SRRM4: variants seen among roughly 807,000 people sequenced by gnomAD.
SRRM4 encodes serine/arginine repetitive matrix protein 4.
A neutral mutation model predicts 68.9 loss-of-function variants in SRRM4; 33 were observed. The ratio of observed to expected loss-of-function variants is 0.48; its 90% CI spans 0.36 to 0.64. SRRM4 has a LOEUF of 0.64. SRRM4 is among the 30% of genes least tolerant of loss of function. The pLI, the probability that SRRM4 is intolerant of heterozygous loss-of-function variation, is 0.00. For synonymous variants in SRRM4, 318 were observed against 318.8 expected (o/e 1.00, Z 0.03); for missense variants, 817 against 827.1 (o/e 0.99, Z 0.15).
At chr12:119,101,303 C>A (rs1044159477) in intron 1 of SRRM4, among the ~76,000 whole-genome samples, 8 of 152,236 alleles carry the variant, frequency 5.3e-5, no homozygotes, top group African/African-American at 1.9e-4. Context: ...TCTTCAAAAG[C>A]TGAGTAACCA....
intron 5 of SRRM4, among the ~76,000 whole-genome samples, chr12:119,120,649 G>C (rs1445751485): frequency 6.6e-6 from 1 of 152,190 alleles, no homozygotes; most frequent in Non-Finnish European, 1.5e-5. Context: ...TCGTATACTG[G>C]ACACACTGGG....
chr12:119,141,773 T>G (rs1434734127), intron 8 of SRRM4, among the ~76,000 whole-genome samples: 2 of 152,166 alleles, frequency 1.3e-5, no homozygotes, highest in Non-Finnish European at 2.9e-5. Context: ...CCAAACCCAG[T>G]CAGAGAGACG....
At chr12:119,076,849 C>T (rs1031370776) in intron 1 of SRRM4, among the ~76,000 whole-genome samples, 1 of 152,184 alleles carries the variant, frequency 6.6e-6, no homozygotes. Flanking sequence ...AGCATCAATA[C>T]TAATAACTTG....
intron 1 of SRRM4, among the ~76,000 whole-genome samples, chr12:119,068,821 C>A (rs913050828): frequency 5.3e-4 from 81 of 151,880 alleles, no homozygotes; most frequent in African/African-American, 1.9e-3. Context: ...AACAGAGAGG[C>A]GGGGGATGGC....
chr12:119,043,566 A>C (rs919538500), intron 1 of SRRM4, among the ~76,000 whole-genome samples: 1 of 148,426 alleles, frequency 6.7e-6, no homozygotes, highest in Admixed American at 6.8e-5. Context: ...AAATTGAAAA[A>C]TAAATAAATA....
chr12:119,012,195 G>C (rs996388355), intron 1 of SRRM4, among the ~76,000 whole-genome samples: 2 of 152,174 alleles, frequency 1.3e-5, no homozygotes, highest in African/African-American at 4.8e-5. Flanking sequence ...TGAAATGAAA[G>C]GGCACCATTC....
At chr12:118,991,256 A>G (rs1015376498) in intron 1 of SRRM4, among the ~76,000 whole-genome samples, 11 of 151,878 alleles carry the variant, frequency 7.2e-5, no homozygotes, top group Non-Finnish European at 1.5e-4. Context: ...AGTTACTCAC[A>G]TTTTCCAGGC....
In SRRM4 at chr12:119,154,121, C is replaced by T; in HGVS notation, c.1392-122C>T. 3.4e-6 allele frequency: 3 copies of T among 893,726 alleles called. No homozygotes were observed. The highest frequency in any genetic ancestry group is 5.1e-6 in the Non-Finnish European group (3 of 584,620). The allele number at this position is 893,726 out of a possible 1,614,324, so 55.4% of individuals were successfully genotyped here. ...CTCCCTCCGGTCTCCCTTGCGGCAA[C>T]GTGCAGACCCCATCCCGTGACCCAG... On this transcript the variant is annotated intron_variant, in intron 11 of 12. Transcript: ENST00000267260. This position sits in a 1 kb window ranked among gnomAD's most constrained non-coding sequence, Gnocchi z 4.7.
At position 118,982,683 on chromosome 12, in the gene SRRM4, T is replaced by TTG. The variant is rs1399064526; in HGVS notation, c.131+671_131+672insGT. Among the ~76,000 whole-genome samples the TTG allele has an allele frequency of 2.4e-3, 330 of 135,250 alleles. 2 individuals carry two copies. Among genetic ancestry groups the TTG allele is most frequent in the African/African-American group, 8.2e-3 (289 of 35,410 alleles). The allele number at this position is 135,250 out of a possible 152,430, so 88.7% of individuals were successfully genotyped here. On this transcript the variant is annotated intron_variant, in intron 1 of 12. Coordinates refer to ENST00000267260, the MANE Select transcript of SRRM4 (RefSeq NM_194286.4). ...AGTTTTATTTTGTTTTTTTTTGTTT[T>TTG]TTTTTTTTTTTTCCAAAAAGAATCT...
intron 8 of SRRM4, chr12:119,132,918 T>C (rs1021942780): frequency 2.0e-5 from 3 of 152,220 alleles, no homozygotes; most frequent in African/African-American, 7.2e-5. Context: ...AGTAATTACT[T>C]AAATGTTTCT....
At chr12:119,101,528 CT>C in intron 1 of SRRM4, among the ~76,000 whole-genome samples, 1 of 151,884 alleles carries the variant, frequency 6.6e-6, no homozygotes. Flanking sequence ...AGAAAACTGA[CT>C]TTTGAGGCCT....
At chr12:119,060,534 T>G (rs1953804618) in intron 1 of SRRM4, among the ~76,000 whole-genome samples, 1 of 151,728 alleles carries the variant, frequency 6.6e-6, no homozygotes, top group African/African-American at 2.4e-5. Context: ...TTTCAGTATC[T>G]TAAGTGTTCC....
In SRRM4 at chr12:119,122,826, T is replaced by C. The variant is rs76526222; in HGVS notation, c.515+706T>C. 7.6e-3 allele frequency among the ~76,000 whole-genome samples: 1,154 copies of C among 152,310 alleles called. 15 individuals carry two copies. The highest frequency in any genetic ancestry group is 0.024 in the African/African-American group (1,012 of 41,548). Reference sequence around the variant, plus strand: ...GGGTGTGAGCACATGGGTGCACGTGTGTGAGCATGTGTATGAATTCATGTG... The same window carrying C: ...GGGTGTGAGCACATGGGTGCACGTGCGTGAGCATGTGTATGAATTCATGTG... On this transcript the variant is annotated intron_variant, in intron 6 of 12. Transcript: ENST00000267260.
intron 1 of SRRM4, among the ~76,000 whole-genome samples, chr12:119,026,930 G>A (rs1402056674): frequency 2.0e-5 from 3 of 152,170 alleles, no homozygotes; most frequent in African/African-American, 7.2e-5. Flanking sequence ...ACTAATCATG[G>A]TAATCCCATT....
chr12:119,090,854 G>A (rs560912775), intron 1 of SRRM4, among the ~76,000 whole-genome samples: 7 of 152,316 alleles, frequency 4.6e-5, no homozygotes, highest in Admixed American at 2.6e-4. Context: ...GGCAATCTCA[G>A]TTTCTGTAAC....
chr12:118,992,935 A>G (rs1953326131), intron 1 of SRRM4, among the ~76,000 whole-genome samples: 1 of 152,210 alleles, frequency 6.6e-6, no homozygotes, highest in Admixed American at 6.5e-5. Flanking sequence ...AGAAAAATCA[A>G]TGTATTCACA....
At chr12:119,130,644 A>T in intron 7 of SRRM4, 34 bp from the exon 8 acceptor site, 1 of 1,592,322 alleles carries the variant, frequency 6.3e-7, no homozygotes, top group Non-Finnish European at 8.5e-7. Context: ...GCTCCCCTTC[A>T]AAAGACCCTC....
chr12:119,009,122 A>C (rs1953433460), intron 1 of SRRM4, among the ~76,000 whole-genome samples: 2 of 152,102 alleles, frequency 1.3e-5, no homozygotes, highest in Admixed American at 6.5e-5. Flanking sequence ...AATCATTAGC[A>C]AAGCTTTTGT....
chr12:119,136,825 TC>T (rs1450817957), intron 8 of SRRM4, among the ~76,000 whole-genome samples: 4 of 152,136 alleles, frequency 2.6e-5, no homozygotes, highest in Non-Finnish European at 5.9e-5. Flanking sequence ...TCCCTCTGGC[TC>T]CTGCTTAAGG....
Sources: gnomAD v4.1 joint callset for allele counts (sites outside exome capture counted in the v4.1 genomes callset) on GRCh38, gnomAD v4.1.1 for gene constraint, Gnocchi (gnomAD v3.1) non-coding constraint, MANE v1.5 for transcripts, NCBI Gene and HGNC (gene_info 2026-07-23, HGNC 2026-07-21) for gene names.